The following MAP2K4 variants were observed in gnomAD, a reference collection of about 807,000 sequenced individuals.
MAP2K4 encodes mitogen-activated protein kinase kinase 4.
In MAP2K4, 4 loss-of-function variants were observed where a neutral mutation model predicts 48.5. The observed-to-expected ratio is 0.08, with a 90% confidence interval of 0.04 to 0.19. The LOEUF (loss-of-function observed/expected upper bound fraction) is 0.19, where lower values mean the gene tolerates loss of function less well. Ranked by LOEUF, MAP2K4 falls within the 10% of genes least tolerant of loss-of-function variation. The pLI is 1.00. For missense variants in MAP2K4, 258 were observed against 493.3 expected (o/e 0.52, Z 4.52); for synonymous variants, 166 against 173.1 (o/e 0.96, Z 0.32).
At position 12,081,249 on chromosome 17, in the gene MAP2K4, A is replaced by G. The variant is rs1971177568; in HGVS notation, c.219-107A>G. 3.6e-6 allele frequency: 3 copies of G among 823,144 alleles called. No homozygotes were observed. Among genetic ancestry groups the G allele is most frequent in the East Asian group, 2.7e-5 (1 of 36,536 alleles). 51.0% of individuals were successfully genotyped at this position (823,144 alleles called of 1,614,324 possible). A position where few individuals can be genotyped will look rare whatever the true frequency, so the allele number is the denominator to read the frequency against. On this transcript the variant is annotated intron_variant, in intron 2 of 10. Coordinates refer to ENST00000353533, the MANE Select transcript of MAP2K4 (RefSeq NM_003010.4). The surrounding 1 kb of genome is among the most constrained non-coding windows in gnomAD (Gnocchi z 4.2). ...ACTTCAAAAACCTGGAGGTCAGACTATTTTAGTAATTTAGAAAACATTTTT... is the reference window on the plus strand; with the variant it reads ...ACTTCAAAAACCTGGAGGTCAGACTGTTTTAGTAATTTAGAAAACATTTTT...
chr17:12,021,903 G>T (rs968571383), intron 1 of MAP2K4, among the ~76,000 whole-genome samples: 1 of 152,166 alleles, frequency 6.6e-6, no homozygotes, highest in Non-Finnish European at 1.5e-5. Flanking sequence ...CTTTTGACAG[G>T]GGGTGTTGTG....
At chr17:12,106,029 A>G (rs1972098292) in intron 4 of MAP2K4, among the ~76,000 whole-genome samples, 1 of 152,128 alleles carries the variant, frequency 6.6e-6, no homozygotes, top group Non-Finnish European at 1.5e-5. Context: ...CTCATTTCAT[A>G]GCTGAGGATG....
At chr17:12,095,895 T>TTGTGTGTGTGTGTGTGTGTGTGTG (rs71947375) in intron 4 of MAP2K4, among the ~76,000 whole-genome samples, 3 of 147,294 alleles carry the variant, frequency 2.0e-5, no homozygotes, top group Admixed American at 6.8e-5. Flanking sequence ...ACACGTGTGT[T>TTGTGTGTGTGTGTGTGTGTGTGTG]TGTGTGTGTG....
Position 12,142,410 on chromosome 17 carries a change from A to G in MAP2K4, c.*1150A>G. The G allele has an allele frequency of 4.3e-6, 1 of 233,176 alleles. No homozygotes were observed. Among genetic ancestry groups the G allele is most frequent in the Non-Finnish European group, 8.5e-6 (1 of 117,948 alleles). The allele number at this position is 233,176 out of a possible 1,614,324, so 14.4% of individuals were successfully genotyped here. ...TATTGTCGCTATGTGACTTGCGCTT[A>G]ATCCAATATTTTGCCTTTTTTCTAT... On this transcript the variant is annotated 3_prime_UTR_variant, in exon 11 of 11. Coordinates refer to ENST00000353533, the MANE Select transcript of MAP2K4 (RefSeq NM_003010.4).
chr17:12,123,118 G>A (rs981950410), intron 7 of MAP2K4, among the ~76,000 whole-genome samples: 5 of 151,976 alleles, frequency 3.3e-5, no homozygotes, highest in Non-Finnish European at 5.9e-5. Flanking sequence ...TCGTTATGCT[G>A]GCCTCATGAA....
chr17:12,128,415 GAGAT>G (rs1428770274), intron 8 of MAP2K4, among the ~76,000 whole-genome samples: 2 of 152,158 alleles, frequency 1.3e-5, no homozygotes, highest in Non-Finnish European at 2.9e-5. Flanking sequence ...AACAGAAAGG[GAGAT>G]AGATGAGAAT....
intron 3 of MAP2K4, among the ~76,000 whole-genome samples, chr17:12,084,534 T>G (rs1440350214): frequency 6.6e-6 from 1 of 152,222 alleles, no homozygotes; most frequent in Admixed American, 6.5e-5. Context: ...ACCAGGGATT[T>G]ACTTCTAACT....
At chr17:12,136,577 G>A (rs1461954823) in intron 9 of MAP2K4, among the ~76,000 whole-genome samples, 1 of 152,156 alleles carries the variant, frequency 6.6e-6, no homozygotes, top group East Asian at 1.9e-4. Context: ...TTTTTTATTG[G>A]AATTAAGTTT....
intron 1 of MAP2K4, among the ~76,000 whole-genome samples, chr17:12,045,207 TA>T (rs1398819541): frequency 6.6e-6 from 1 of 152,154 alleles, no homozygotes; most frequent in Non-Finnish European, 1.5e-5. Flanking sequence ...TATGCACATA[TA>T]AAAAAGGTTT....
chr17:12,033,890 A>G (rs1182107546), intron 1 of MAP2K4, among the ~76,000 whole-genome samples: 2 of 152,178 alleles, frequency 1.3e-5, no homozygotes, highest in Non-Finnish European at 2.9e-5. Context: ...CCTGGGTTCA[A>G]GTGATCTTCC....
rs1969013830 is a variant in MAP2K4 at position 12,020,997 on chromosome 17, G to T, written c.111G>T (p.Met37Ile). Residue 37 changes from methionine to isoleucine, a missense_variant, in exon 1 of 11, where the codon ATG becomes ATT. Met to Ile is a conservative substitution (Grantham distance 10). Transcript: ENST00000353533. Reference protein sequence around the residue: ...PAPGHPAVSSMQGKRKALKLN... With the variant: ...PAPGHPAVSSIQGKRKALKLN... ...CAGGCCACCCGGCCGTCAGCAGCAT[G>T]CAGGGTAAGGAACGCGGCCGCGCCG... 1.7e-6 allele frequency: 2 copies of T among 1,210,048 alleles called. No homozygotes were observed. The highest frequency in any genetic ancestry group is 2.1e-6 in the Non-Finnish European group (2 of 973,516). 75.0% of individuals were successfully genotyped at this position (1,210,048 alleles called of 1,614,324 possible).
chr17:12,040,067 T>C (rs1475426864), intron 1 of MAP2K4, among the ~76,000 whole-genome samples: 1 of 152,196 alleles, frequency 6.6e-6, no homozygotes, highest in Non-Finnish European at 1.5e-5. Flanking sequence ...GGCATATGAT[T>C]TCTTGCTGGA....
intron 1 of MAP2K4, among the ~76,000 whole-genome samples, chr17:12,025,054 T>C (rs1969213658): frequency 6.6e-6 from 1 of 152,268 alleles, no homozygotes; most frequent in African/African-American, 2.4e-5. Flanking sequence ...TGAAATTGCA[T>C]AGGCAGGATG....
intron 7 of MAP2K4, chr17:12,124,908 C>T: frequency 5.2e-6 from 1 of 190,866 alleles, no homozygotes; most frequent in Non-Finnish European, 1.1e-5. Context: ...ATCTGCTGAC[C>T]TCCTGATCCA....
intron 1 of MAP2K4, chr17:12,032,410 A>C: frequency 2.4e-6 from 1 of 425,016 alleles, no homozygotes; most frequent in East Asian, 3.6e-5. Context: ...TTTTACATTC[A>C]AAGAGCTACC....
chr17:12,076,285 G>C (rs1474789580), intron 2 of MAP2K4, among the ~76,000 whole-genome samples: 23 of 129,522 alleles, frequency 1.8e-4, no homozygotes, highest in African/African-American at 6.1e-4. Flanking sequence ...AGTTCTGTGT[G>C]TGTGTGTGTG....
chr17:12,053,265 C>T (rs1970196204), intron 1 of MAP2K4, among the ~76,000 whole-genome samples: 1 of 152,040 alleles, frequency 6.6e-6, no homozygotes, highest in South Asian at 2.1e-4. Context: ...TCTACCTAGC[C>T]ATTCTGATCA....
chr17:12,127,636 C>T (rs1482527890), intron 8 of MAP2K4, among the ~76,000 whole-genome samples: 1 of 152,132 alleles, frequency 6.6e-6, no homozygotes, highest in Non-Finnish European at 1.5e-5. Flanking sequence ...TTCTAAGATC[C>T]TAAGTCCTTT....
At chr17:12,048,742 T>C (rs1970042421) in intron 1 of MAP2K4, among the ~76,000 whole-genome samples, 1 of 152,062 alleles carries the variant, frequency 6.6e-6, no homozygotes, top group Non-Finnish European at 1.5e-5. Flanking sequence ...CTGAAACCTA[T>C]ACCTCCTGGG....
Sources: gnomAD v4.1 joint callset for allele counts (sites outside exome capture counted in the v4.1 genomes callset) on GRCh38, gnomAD v4.1.1 for gene constraint, Gnocchi (gnomAD v3.1) non-coding constraint, MANE v1.5 for transcripts, NCBI Gene and HGNC (gene_info 2026-07-23, HGNC 2026-07-21) for gene names.